The following KCNQ1 variants were observed in gnomAD, a reference collection of about 807,000 sequenced individuals.
KCNQ1 encodes the protein potassium voltage-gated channel subfamily KQT member 1.
A neutral mutation model predicts 72.4 loss-of-function variants in KCNQ1; 49 were observed. That is an observed-to-expected ratio of 0.68 (90% CI 0.54 to 0.86). The LOEUF is 0.86. Among genes scored for constraint, KCNQ1 ranks in the 40% least tolerant of loss-of-function variants. KCNQ1 has a pLI of 0.00. For synonymous variants in KCNQ1, 450 were observed against 412.6 expected, an observed-to-expected ratio of 1.09 and a Z score of -1.10; for missense variants, 790 against 945.1, an observed-to-expected ratio of 0.84 and a Z score of 2.15.
At chr11:2,812,384 C>T (rs2134041740) in intron 15 of KCNQ1, among the ~76,000 whole-genome samples, 1 of 152,284 alleles carries the variant, frequency 6.6e-6, no homozygotes, top group East Asian at 1.9e-4. Context: ...GTTCCGTTCC[C>T]TCCCCCACCC....
chr11:2,822,630 G>A (rs1049519123), intron 15 of KCNQ1, among the ~76,000 whole-genome samples: 2 of 152,210 alleles, frequency 1.3e-5, no homozygotes, highest in African/African-American at 4.8e-5. Context: ...GGATAGTCAT[G>A]GGCCAAGGCC....
chr11:2,634,910 A>G (rs1472674164), intron 10 of KCNQ1: 7 of 152,080 alleles, frequency 4.6e-5, no homozygotes, highest in Non-Finnish European at 2.9e-5. Flanking sequence ...TGGTTTTTTG[A>G]TTTGCCTTTC....
rs151289 is a variant in KCNQ1, at chr11:2,803,189, G to A, written c.1794+25152G>A. Among the ~76,000 whole-genome samples, 113,845 of 152,036 alleles carry A rather than the reference G, an allele frequency of 0.75. 42,898 individuals carry two copies. Among genetic ancestry groups the A allele is most frequent in the South Asian group, 0.85 (4,105 of 4,832 alleles). On this transcript the variant is annotated intron_variant, in intron 15 of 15. Transcript: ENST00000155840. The surrounding 1 kb of genome is among the most constrained non-coding windows in gnomAD (Gnocchi z 6.4). Reference sequence around the variant, plus strand: ...CCACGGGCACCCAGGAACCGCCCTGGCTTTGCTGGAGGACCTGCCATGGCT... The same window carrying A: ...CCACGGGCACCCAGGAACCGCCCTGACTTTGCTGGAGGACCTGCCATGGCT...
intron 6 of KCNQ1, among the ~76,000 whole-genome samples, chr11:2,581,294 G>A (rs1345324385): frequency 5.3e-5 from 8 of 152,230 alleles, no homozygotes. Context: ...TGGGCTGAGA[G>A]CTCACCAGGT....
In KCNQ1 at chr11:2,808,770, C is replaced by T. The variant is rs539223140; in HGVS notation, c.1794+30733C>T. ...AGTGTGAGGAGAGCAGCATTCCAGA[C>T]GCTTCTCTGTATGTTGCATAGAAAA... On this transcript the variant is annotated intron_variant, in intron 15 of 15. Transcript: ENST00000155840. This position sits in a 1 kb window ranked among gnomAD's most constrained non-coding sequence, Gnocchi z 6.0. Among the ~76,000 whole-genome samples, 4 of 152,060 alleles carry T rather than the reference C, an allele frequency of 2.6e-5. No homozygotes were observed. Among genetic ancestry groups the T allele is most frequent in the Admixed American group, 6.5e-5 (1 of 15,274 alleles).
chr11:2,658,001 G>A lies in KCNQ1; in HGVS notation c.1394-3960G>A. The stretch of plus-strand genomic sequence containing the variant: ...CAGGCTCCTCCACTGTAAGTGAATA[G>A]CTGTTTTTCCCTTTCCATAGCTTAG... On this transcript the variant is annotated intron_variant, in intron 10 of 15. Transcript: ENST00000155840. This position sits in a 1 kb window ranked among gnomAD's most constrained non-coding sequence, Gnocchi z 4.9. The A allele has an allele frequency of 2.5e-6, 1 of 398,556 alleles. No individual in the cohort carries two copies. The highest frequency in any genetic ancestry group is 1.3e-4 in the South Asian group (1 of 7,860). The allele number at this position is 398,556 out of a possible 1,614,324, so 24.7% of individuals were successfully genotyped here.
chr11:2,747,999 A>T (rs1246810494), intron 11 of KCNQ1, among the ~76,000 whole-genome samples: 1 of 152,186 alleles, frequency 6.6e-6, no homozygotes. Context: ...CACCAGCAGA[A>T]TACTTCAAGA....
At chr11:2,629,606 G>T (rs1179939903) in intron 10 of KCNQ1, 9 of 398,308 alleles carry the variant, frequency 2.3e-5, no homozygotes, top group African/African-American at 4.1e-5. Context: ...GCCATTGAAT[G>T]GACATGGCAT....
In KCNQ1 at chr11:2,620,928, TG is replaced by T. The variant is rs1214645084; in HGVS notation, c.1393+32075del. On this transcript the variant is annotated intron_variant, in intron 10 of 15. Coordinates refer to ENST00000155840, the MANE Select transcript of KCNQ1 (RefSeq NM_000218.3). This position sits in a 1 kb window ranked among gnomAD's most constrained non-coding sequence, Gnocchi z 4.5. ...ATCCCATTATGGTTTGGTGTTTTTT[TG>T]TTGTTGTTGTTTTGTTTTGTTTTTT... 1.6e-5 allele frequency: 6 copies of T among 369,118 alleles called. No individual in the cohort carries two copies. The highest frequency in any genetic ancestry group is 2.8e-5 in the Non-Finnish European group (6 of 216,600). 22.9% of individuals were successfully genotyped at this position (369,118 alleles called of 1,614,324 possible). A position where few individuals can be genotyped will look rare whatever the true frequency, so the allele number is the denominator to read the frequency against.
At chr11:2,609,539 A>G (rs1848942240) in intron 10 of KCNQ1, 2 of 398,204 alleles carry the variant, frequency 5.0e-6, no homozygotes, top group African/African-American at 2.1e-5. Flanking sequence ...TTTTGAGTCT[A>G]GTTGGTTTAT....
At chr11:2,459,247 G>T (rs1342044454) in intron 1 of KCNQ1, among the ~76,000 whole-genome samples, 1 of 152,210 alleles carries the variant, frequency 6.6e-6, no homozygotes, top group Non-Finnish European at 1.5e-5. Context: ...GGCGCCCGGT[G>T]GTGTGAGGTT....
rs115450426 is a variant in KCNQ1, at chr11:2,631,008, T to C, written c.1394-30953T>C. ...TTATTTATCTTGCCGCTTTCAAAAT[T>C]ATCTTGTCTTCCATTTTTTACATTT... On this transcript the variant is annotated intron_variant, in intron 10 of 15. Transcript: ENST00000155840. 2.7e-3 allele frequency: 1,077 copies of C among 398,558 alleles called. 12 individuals are homozygous for C. The highest frequency in any genetic ancestry group is 0.019 in the African/African-American group (931 of 48,760). The allele number at this position is 398,558 out of a possible 1,614,324, so 24.7% of individuals were successfully genotyped here. A position where few individuals can be genotyped will look rare whatever the true frequency, so the allele number is the denominator to read the frequency against.
chr11:2,460,862 C>T (rs3864884), intron 1 of KCNQ1, among the ~76,000 whole-genome samples: 45,084 of 152,160 alleles, frequency 0.3, 8,070 homozygotes, highest in African/African-American at 0.48. Flanking sequence ...CAGGCTGGGG[C>T]GTGACTGCTT....
At chr11:2,597,148 G>T (rs1848744350) in intron 10 of KCNQ1, among the ~76,000 whole-genome samples, 1 of 152,122 alleles carries the variant, frequency 6.6e-6, no homozygotes, top group East Asian at 1.9e-4. Context: ...TGGGGTTTTT[G>T]AAACTTATCT....
intron 10 of KCNQ1, chr11:2,644,715 C>A: frequency 2.5e-6 from 1 of 398,478 alleles, no homozygotes. Flanking sequence ...GAGTCTTGTT[C>A]CTGAAGATAT....
chr11:2,618,890 T>C (rs1306318983), intron 10 of KCNQ1: 2 of 398,320 alleles, frequency 5.0e-6, no homozygotes, highest in Non-Finnish European at 8.9e-6. Flanking sequence ...GTACAGGTCT[T>C]TCATCTTTTT....
At chr11:2,545,178 G>A (rs528700221) in intron 2 of KCNQ1, among the ~76,000 whole-genome samples, 2 of 152,280 alleles carry the variant, frequency 1.3e-5, no homozygotes, top group South Asian at 4.1e-4. Context: ...CACTGGACTT[G>A]ACTTGTTAAA....
Position 2,599,792 on chromosome 11 carries a change from C to T in KCNQ1, c.1393+10938C>T, listed in dbSNP as rs879592093. 2.0e-5 allele frequency among the ~76,000 whole-genome samples: 3 copies of T among 152,176 alleles called. No homozygotes were observed. The highest frequency in any genetic ancestry group is 4.4e-5 in the Non-Finnish European group (3 of 68,036). ...CCAAATATCCTTTTCTTTAAGGGCA[C>T]CAGTCACACTGGATTAGGGCCCACC... On this transcript the variant is annotated intron_variant, in intron 10 of 15. Transcript: ENST00000155840. This position sits in a 1 kb window ranked among gnomAD's most constrained non-coding sequence, Gnocchi z 4.7.
chr11:2,522,344 C>G (rs1847402527), intron 1 of KCNQ1, among the ~76,000 whole-genome samples: 1 of 152,150 alleles, frequency 6.6e-6, no homozygotes, highest in Non-Finnish European at 1.5e-5. Flanking sequence ...GTCCAAAACA[C>G]GCATAGGATT....
Sources: gnomAD v4.1 joint callset for allele counts (sites outside exome capture counted in the v4.1 genomes callset) on GRCh38, gnomAD v4.1.1 for gene constraint, Gnocchi (gnomAD v3.1) non-coding constraint, MANE v1.5 for transcripts, NCBI Gene and HGNC (gene_info 2026-07-23, HGNC 2026-07-21) for gene names.